The following FBXL7 variants were observed in gnomAD, a reference collection of about 807,000 sequenced individuals.
The protein encoded by FBXL7 is F-box/LRR-repeat protein 7.
Under a neutral mutation model 38.3 loss-of-function variants are expected in FBXL7, and 12 were observed. The observed-to-expected ratio is 0.31, with a 90% CI of 0.20 to 0.51. FBXL7 has a LOEUF of 0.51. Among genes scored for constraint, FBXL7 ranks in the 20% least tolerant of loss-of-function variants. FBXL7 has a pLI of 0.98. For synonymous variants in FBXL7, 297 were observed against 300.9 expected, an observed-to-expected ratio of 0.99 and a Z score of 0.13; for missense variants, 567 against 676.4, an observed-to-expected ratio of 0.84 and a Z score of 1.79.
intron 2 of FBXL7, among the ~76,000 whole-genome samples, chr5:15,749,578 G>A (rs996115943): frequency 6.6e-6 from 1 of 152,060 alleles, no homozygotes; most frequent in African/African-American, 2.4e-5. Flanking sequence ...AGTGAGCCGA[G>A]ATTGCGCCAC....
At chr5:15,658,781 A>AATG (rs1741964550) in intron 2 of FBXL7, among the ~76,000 whole-genome samples, 1 of 152,118 alleles carries the variant, frequency 6.6e-6, no homozygotes, top group South Asian at 2.1e-4. Context: ...TTTTCCATAC[A>AATG]ATGTCTGAAA....
intron 2 of FBXL7, among the ~76,000 whole-genome samples, chr5:15,748,527 CCT>C (rs1736071677): frequency 6.6e-6 from 1 of 152,140 alleles, no homozygotes; most frequent in African/African-American, 2.4e-5. Flanking sequence ...CTACATAAGC[CCT>C]CTCTTGCCTG....
rs1554034863 is a variant in FBXL7 at position 15,927,796 on chromosome 5, A to AAAAC, written c.128-93_128-92insAACA. 1.1e-5 allele frequency: 9 copies of AAAAC among 825,116 alleles called. 1 individual carries two copies. The Admixed American group carries it at 2.1e-4, about 19-fold the overall frequency. The allele number at this position is 825,116 out of a possible 1,614,324, so 51.1% of individuals were successfully genotyped here. A position where few individuals can be genotyped will look rare whatever the true frequency, so the allele number is the denominator to read the frequency against. The stretch of plus-strand genomic sequence containing the variant: ...AAAAAAAAAAAAAAAAAGAAGAAGA[A>AAAAC]AGAAAAGAAAAGAAAGAAACCAGTG... On this transcript the variant is annotated intron_variant, in intron 2 of 3. Transcript: ENST00000504595.
At chr5:15,605,475 CTAGA>C (rs1739975607) in intron 1 of FBXL7, among the ~76,000 whole-genome samples, 1 of 152,008 alleles carries the variant, frequency 6.6e-6, no homozygotes, top group Non-Finnish European at 1.5e-5. Flanking sequence ...GTGGAATAAG[CTAGA>C]TACAGAAGAA....
At chr5:15,859,838 C>A (rs550154629) in intron 2 of FBXL7, among the ~76,000 whole-genome samples, 1 of 152,234 alleles carries the variant, frequency 6.6e-6, no homozygotes, top group South Asian at 2.1e-4. Context: ...GAAACCCTGA[C>A]CCATTTTACA....
chr5:15,577,064 C>T (rs950991763), intron 1 of FBXL7, among the ~76,000 whole-genome samples: 3 of 152,142 alleles, frequency 2.0e-5, no homozygotes, highest in African/African-American at 4.8e-5. Flanking sequence ...ATTCCAGTGT[C>T]CTGAGATTTT....
chr5:15,888,757 G>T (rs1055549332), intron 2 of FBXL7, among the ~76,000 whole-genome samples: 2 of 152,050 alleles, frequency 1.3e-5, no homozygotes, highest in Non-Finnish European at 2.9e-5. Flanking sequence ...CAAAAAAATG[G>T]CAAAATTGGT....
chr5:15,544,177 A>G (rs1351062484), intron 1 of FBXL7, among the ~76,000 whole-genome samples: 1 of 152,202 alleles, frequency 6.6e-6, no homozygotes, highest in Non-Finnish European at 1.5e-5. Flanking sequence ...CTGCTCTGAC[A>G]CTGCTACTTC....
intron 2 of FBXL7, among the ~76,000 whole-genome samples, chr5:15,783,357 G>A (rs984340830): frequency 6.6e-6 from 1 of 152,182 alleles, no homozygotes; most frequent in African/African-American, 2.4e-5. Context: ...TCCTGGGTGT[G>A]ACACTGAGAC....
At chr5:15,711,240 C>T (rs188208109) in intron 2 of FBXL7, among the ~76,000 whole-genome samples, 2 of 152,304 alleles carry the variant, frequency 1.3e-5, no homozygotes, top group African/African-American at 4.8e-5. Flanking sequence ...AGAATTGTTA[C>T]TTGCCTCATC....
In FBXL7 at chr5:15,677,207, C is replaced by T. The variant is rs773474258; in HGVS notation, c.127+61135C>T. Among the ~76,000 whole-genome samples the T allele has an allele frequency of 3.3e-5, 5 of 152,172 alleles. 1 individual carries two copies. Among genetic ancestry groups the T allele is most frequent in the Middle Eastern group, 3.2e-3 (1 of 316 alleles). On this transcript the variant is annotated intron_variant, in intron 2 of 3. Coordinates refer to ENST00000504595, the MANE Select transcript of FBXL7 (RefSeq NM_012304.5). ...TTTCTAGGCTGGGCGCAGTGGCTCA[C>T]GCCGGAAATCCCAACACTTTGGGAG...
rs753935096 is a variant in FBXL7 at position 15,927,764 on chromosome 5, T to TAAAA, written c.128-106_128-103dup. ...CACTCCCGCCTGGGCGACAAGATCT[T>TAAAA]AAAAAAAAAAAAAAAAAAAAAAAGA... On this transcript the variant is annotated intron_variant, in intron 2 of 3. Transcript: ENST00000504595. 1,334 of 454,180 alleles carry TAAAA rather than the reference T, an allele frequency of 2.9e-3. 3 individuals carry two copies. Among genetic ancestry groups the TAAAA allele is most frequent in the South Asian group, 5.7e-3 (59 of 10,278 alleles). The allele number at this position is 454,180 out of a possible 1,614,324, so 28.1% of individuals were successfully genotyped here.
chr5:15,938,435 T>C lies in FBXL7; in HGVS notation c.*1249T>C, dbSNP rs1040006290. The C allele has an allele frequency of 6.6e-6, 1 of 152,226 alleles. No homozygotes were observed. The highest frequency in any genetic ancestry group is 1.5e-5 in the Non-Finnish European group (1 of 68,052). 9.4% of individuals were successfully genotyped at this position (152,226 alleles called of 1,614,324 possible). ...ATGCCTCGGTTCTTTGTCATTCAGATTGCATTTGACCTCTTCTCATCTATT... is the reference window on the plus strand; with the variant it reads ...ATGCCTCGGTTCTTTGTCATTCAGACTGCATTTGACCTCTTCTCATCTATT... On this transcript the variant is annotated 3_prime_UTR_variant, in exon 4 of 4. Transcript: ENST00000504595.
chr5:15,835,107 A>G (rs773972384), intron 2 of FBXL7, among the ~76,000 whole-genome samples: 1 of 152,156 alleles, frequency 6.6e-6, no homozygotes, highest in South Asian at 2.1e-4. Flanking sequence ...CTTCTTGCCA[A>G]TGTAAATAGT....
intron 2 of FBXL7, among the ~76,000 whole-genome samples, chr5:15,654,222 GT>G (rs1366104475): frequency 3.3e-5 from 5 of 152,134 alleles, no homozygotes; most frequent in Admixed American, 3.3e-4. Context: ...CTCCTGAATA[GT>G]TCTTCAAATC....
At chr5:15,536,649 A>G (rs1285068900) in intron 1 of FBXL7, among the ~76,000 whole-genome samples, 1 of 152,110 alleles carries the variant, frequency 6.6e-6, no homozygotes, top group East Asian at 1.9e-4. Flanking sequence ...CTTTCATTGT[A>G]TCTTGGAAAT....
At chr5:15,661,370 G>A (rs11745041) in intron 2 of FBXL7, among the ~76,000 whole-genome samples, 5 of 151,712 alleles carry the variant, frequency 3.3e-5, no homozygotes, top group East Asian at 3.9e-4. Flanking sequence ...TAGTTCTTCC[G>A]TTCTAAGTTG....
intron 2 of FBXL7, among the ~76,000 whole-genome samples, chr5:15,722,930 C>CAAAAAAAAAAAAAAAAA (rs1554017097): frequency 7.0e-6 from 1 of 142,080 alleles, no homozygotes; most frequent in African/African-American, 2.6e-5. Context: ...TCAAAAAAAA[C>CAAAAAAAAAAAAAAAAA]AAAAAAAAAA....
chr5:15,707,091 ACATT>A (rs1743704765), intron 2 of FBXL7, among the ~76,000 whole-genome samples: 1 of 151,898 alleles, frequency 6.6e-6, no homozygotes, highest in Non-Finnish European at 1.5e-5. Flanking sequence ...TATATATTTA[ACATT>A]GGGACAAGGA....
Sources: gnomAD v4.1 joint callset for allele counts (sites outside exome capture counted in the v4.1 genomes callset) on GRCh38, gnomAD v4.1.1 for gene constraint, MANE v1.5 for transcripts, NCBI Gene and HGNC (gene_info 2026-07-23, HGNC 2026-07-21) for gene names.